TRPM8: variants seen among roughly 807,000 people sequenced by gnomAD.
The protein encoded by TRPM8 is transient receptor potential cation channel subfamily M member 8.
In TRPM8, 110 loss-of-function variants were observed where a neutral mutation model predicts 133.7. That is an observed-to-expected ratio of 0.82 (90% confidence interval 0.70 to 0.96). The LOEUF (loss-of-function observed/expected upper bound fraction) is 0.96, where lower values mean the gene tolerates loss of function less well. Among genes scored for constraint, TRPM8 ranks in the 40% least tolerant of loss-of-function variants. TRPM8 has a pLI of 0.00. For missense variants in TRPM8, 1,291 were observed against 1,379.5 expected, an observed-to-expected ratio of 0.94 and a Z score of 1.02; for synonymous variants, 535 against 532.3, an observed-to-expected ratio of 1.01 and a Z score of -0.07.
intron 24 of TRPM8, chr2:234,013,699 G>C (rs1692893845): frequency 6.6e-6 from 1 of 152,098 alleles, no homozygotes; most frequent in South Asian, 2.1e-4. Flanking sequence ...CAAATACAAG[G>C]CTCTTTCAAA....
intron 2 of TRPM8, among the ~76,000 whole-genome samples, chr2:233,929,489 C>T (rs187734330): frequency 7.0e-4 from 107 of 152,294 alleles, no homozygotes; most frequent in Admixed American, 2.2e-3. Flanking sequence ...TCAGGGCTGG[C>T]TCTGGTGCCA....
At chr2:233,975,540 G>A (rs947150814) in intron 17 of TRPM8, among the ~76,000 whole-genome samples, 1 of 152,228 alleles carries the variant, frequency 6.6e-6, no homozygotes, top group Non-Finnish European at 1.5e-5. Context: ...TTAAGGCTTG[G>A]AAGCTGCTGT....
At chr2:233,957,858 C>T (rs1691330981) in intron 11 of TRPM8, among the ~76,000 whole-genome samples, 2 of 152,068 alleles carry the variant, frequency 1.3e-5, no homozygotes, top group Admixed American at 1.3e-4. Context: ...TTGAGAGAAC[C>T]AATGGTTCAG....
At chr2:233,965,213 C>G (rs1691537812) in intron 14 of TRPM8, among the ~76,000 whole-genome samples, 1 of 152,210 alleles carries the variant, frequency 6.6e-6, no homozygotes, top group African/African-American at 2.4e-5. Context: ...TTACTCATGG[C>G]AAAAGCAGCA....
At chr2:233,953,155 CCTT>C (rs908485215) in intron 9 of TRPM8, among the ~76,000 whole-genome samples, 1 of 152,228 alleles carries the variant, frequency 6.6e-6, no homozygotes, top group African/African-American at 2.4e-5. Flanking sequence ...CAAAAGCTCA[CCTT>C]CTAATTTCCA....
intron 15 of TRPM8, 63 bp from the exon 16 acceptor site, chr2:233,969,632 C>A: frequency 1.0e-6 from 1 of 972,298 alleles, no homozygotes; most frequent in Non-Finnish European, 1.7e-6. Context: ...AGAAAGTTTG[C>A]ATGGCATCCT....
rs192279116 is a variant in TRPM8 at position 233,964,955 on chromosome 2, A to G, written c.1879+198A>G. Among the ~76,000 whole-genome samples the G allele has an allele frequency of 2.7e-4, 41 of 151,212 alleles. No individual in the cohort carries two copies. In the East Asian group the frequency reaches 7.3e-3, roughly 27 times the overall value. ...CACATATGGAATTTTCCAAGAATGAATGTGGGAAATCTTGGGCTCTCTGAT... is the reference window on the plus strand; with the variant it reads ...CACATATGGAATTTTCCAAGAATGAGTGTGGGAAATCTTGGGCTCTCTGAT... On this transcript the variant is annotated intron_variant, in intron 14 of 25. Coordinates refer to ENST00000324695, the MANE Select transcript of TRPM8 (RefSeq NM_024080.5).
intron 4 of TRPM8, among the ~76,000 whole-genome samples, chr2:233,938,404 A>G (rs1156489118): frequency 6.6e-6 from 1 of 152,196 alleles, no homozygotes; most frequent in Non-Finnish European, 1.5e-5. Context: ...TAGAAAGTTT[A>G]TCTTGCCAAG....
At chr2:233,924,879 A>T (rs1396728771) in intron 1 of TRPM8, among the ~76,000 whole-genome samples, 1 of 152,236 alleles carries the variant, frequency 6.6e-6, no homozygotes, top group African/African-American at 2.4e-5. Flanking sequence ...TGATGTATGT[A>T]AAGTGCCAAT....
chr2:234,002,318 T>A (rs1692588487), intron 22 of TRPM8, among the ~76,000 whole-genome samples: 1 of 152,038 alleles, frequency 6.6e-6, no homozygotes, highest in Non-Finnish European at 1.5e-5. Context: ...AGGCTTGGAC[T>A]GTATCCTACA....
intron 11 of TRPM8, among the ~76,000 whole-genome samples, chr2:233,957,256 C>T (rs1040406973): frequency 1.7e-4 from 26 of 151,970 alleles, no homozygotes; most frequent in African/African-American, 6.0e-4. Context: ...GAGGCCAAGG[C>T]GAGAGGATTG....
chr2:233,965,053 TGG>T (rs58907890), intron 14 of TRPM8, among the ~76,000 whole-genome samples: 31,083 of 123,558 alleles, frequency 0.25, 4,611 homozygotes, highest in East Asian at 0.53. Flanking sequence ...CTTTTTTTTG[TGG>T]GGGGGGGGGG....
chr2:233,937,214 C>A, intron 3 of TRPM8, 139 bp from the exon 4 acceptor site: 1 of 1,124,676 alleles, frequency 8.9e-7, no homozygotes, highest in Non-Finnish European at 1.3e-6. Context: ...CTAGTTTCTA[C>A]ACAACCAAGA....
At chr2:233,942,893 A>G (rs1690945809) in intron 6 of TRPM8, 145 bp downstream of exon 6, 2 of 834,440 alleles carry the variant, frequency 2.4e-6, no homozygotes, top group African/African-American at 1.7e-5. Flanking sequence ...TTGGGACCTT[A>G]AAGGAATTGA....
In TRPM8 at chr2:234,005,967, C is replaced by G. The variant is rs192988540; in HGVS notation, c.3131-886C>G. Among the ~76,000 whole-genome samples, 999 of 150,894 alleles carry G rather than the reference C, an allele frequency of 6.6e-3. 8 individuals are homozygous for G. Among genetic ancestry groups the G allele is most frequent in the Non-Finnish European group, 7.0e-3 (472 of 67,568 alleles). On this transcript the variant is annotated intron_variant, in intron 22 of 25. Transcript: ENST00000324695. ...ACACACACACACACACACACACACACAGAATTTGCTTAAATCCAGCCATGT... is the reference window on the plus strand; with the variant it reads ...ACACACACACACACACACACACACAGAGAATTTGCTTAAATCCAGCCATGT...
At chr2:234,015,700 C>A (rs1204199909) in intron 25 of TRPM8, among the ~76,000 whole-genome samples, 2 of 152,190 alleles carry the variant, frequency 1.3e-5, no homozygotes, top group African/African-American at 4.8e-5. Context: ...TTTGTTAGAG[C>A]AAGACTGATG....
At chr2:233,992,758 AAGG>A (rs1692311130) in intron 21 of TRPM8, among the ~76,000 whole-genome samples, 1 of 152,208 alleles carries the variant, frequency 6.6e-6, no homozygotes, top group African/African-American at 2.4e-5. Flanking sequence ...ACTGGTTGTC[AAGG>A]AGACTTTAAG....
chr2:234,007,742 A>G (rs557161121), intron 23 of TRPM8, among the ~76,000 whole-genome samples: 1 of 152,206 alleles, frequency 6.6e-6, no homozygotes, highest in African/African-American at 2.4e-5. Context: ...AACAACAGAG[A>G]TGATGTCATA....
rs139994720 is a variant in TRPM8 at position 234,017,518 on chromosome 2, A to G, written c.*262A>G. 15 of 376,634 alleles carry G rather than the reference A, an allele frequency of 4.0e-5. No individual in the cohort carries two copies. In the East Asian group the frequency reaches 1.1e-3, roughly 28 times the overall value. The allele number at this position is 376,634 out of a possible 1,614,324, so 23.3% of individuals were successfully genotyped here. On this transcript the variant is annotated 3_prime_UTR_variant, in exon 26 of 26. Transcript: ENST00000324695. The stretch of plus-strand genomic sequence containing the variant: ...GGTGCCTGTTTCTCTCTGTGTCTCA[A>G]TGCCTGGGACTGGAGGTTGATAGTT...
Sources: gnomAD v4.1 joint callset for allele counts (sites outside exome capture counted in the v4.1 genomes callset) on GRCh38, gnomAD v4.1.1 for gene constraint, MANE v1.5 for transcripts, NCBI Gene and HGNC (gene_info 2026-07-23, HGNC 2026-07-21) for gene names.